Variants in CDH9 observed in about 807,000 individuals in gnomAD.
CDH9 encodes cadherin 9.
In CDH9, 28 loss-of-function variants were observed where a neutral mutation model predicts 70.9. That is an observed-to-expected ratio of 0.40 (90% CI 0.29 to 0.54). The LOEUF (loss-of-function observed/expected upper bound fraction) is 0.54. CDH9 is among the 20% of genes least tolerant of loss of function. CDH9 has a pLI of 0.59. For missense variants in CDH9, 874 were observed against 984.4 expected (o/e 0.89, Z 1.50); for synonymous variants, 409 against 343.1 (o/e 1.19, Z -2.12).
chr5:26,943,272 G>A (rs1335543166), intron 2 of CDH9, among the ~76,000 whole-genome samples: 1 of 152,134 alleles, frequency 6.6e-6, no homozygotes, highest in Non-Finnish European at 1.5e-5. Flanking sequence ...AGCACTTTGG[G>A]AGGCCGAGGC....
At chr5:26,896,660 G>C (rs1740757025) in intron 7 of CDH9, among the ~76,000 whole-genome samples, 1 of 151,820 alleles carries the variant, frequency 6.6e-6, no homozygotes. Context: ...CTGGGACACA[G>C]CTAAAGCAGT....
At position 26,906,830 on chromosome 5, in the gene CDH9, C is replaced by T. The variant is rs1740957552; in HGVS notation, c.532G>A (p.Val178Ile). The T allele has an allele frequency of 6.2e-7, 1 of 1,609,088 alleles. No homozygotes were observed. Among genetic ancestry groups the T allele is most frequent in the Non-Finnish European group, 8.5e-7 (1 of 1,176,944 alleles). Residue 178 changes from valine (V) to isoleucine (I), a missense_variant, in exon 4 of 12, where the codon GTT (valine) becomes ATT (isoleucine). Coordinates refer to ENST00000231021, the MANE Select transcript of CDH9 (RefSeq NM_016279.4). ...GCATCTGTTGCAGTTACTTGTATAA[C>T]AGATGTACCTACATGAAACCCCCAT... ...VPEMSGVGTS[V>I]IQVTATDADD...
At chr5:26,990,069 A>C (rs1163009534) in intron 1 of CDH9, among the ~76,000 whole-genome samples, 1 of 152,198 alleles carries the variant, frequency 6.6e-6, no homozygotes, top group Non-Finnish European at 1.5e-5. Context: ...ACCGTTTTTA[A>C]TATAAGACAA....
intron 1 of CDH9, among the ~76,000 whole-genome samples, chr5:27,002,280 G>C (rs977788839): frequency 4.6e-5 from 7 of 152,178 alleles, no homozygotes; most frequent in African/African-American, 1.7e-4. Context: ...ACAGGTGCTG[G>C]AGAGGATATG....
chr5:26,919,447 G>T (rs977400173), intron 2 of CDH9, among the ~76,000 whole-genome samples: 1 of 152,162 alleles, frequency 6.6e-6, no homozygotes, highest in Non-Finnish European at 1.5e-5. Context: ...GCTACCATGG[G>T]CTAAAGGGTT....
At chr5:26,988,457 T>G (rs1561030570) in intron 1 of CDH9, 75 bp from the exon 2 acceptor site, 1 of 1,255,204 alleles carries the variant, frequency 8.0e-7, no homozygotes, top group Non-Finnish European at 1.1e-6. Flanking sequence ...ACTGAAATAC[T>G]TATTCCAGAC....
intron 1 of CDH9, among the ~76,000 whole-genome samples, chr5:27,015,420 A>G (rs1304094351): frequency 6.6e-6 from 1 of 151,850 alleles, no homozygotes; most frequent in Non-Finnish European, 1.5e-5. Flanking sequence ...TTCTCTGAAG[A>G]AACCTCATTT....
intron 3 of CDH9, 25 bp from the exon 4 acceptor site, chr5:26,906,863 C>A: frequency 3.8e-6 from 6 of 1,579,334 alleles, no homozygotes; most frequent in Non-Finnish European, 5.2e-6. Flanking sequence ...CATCCCCAAA[C>A]AGAGACATTT....
intron 3 of CDH9, among the ~76,000 whole-genome samples, chr5:26,909,963 G>A (rs1397455086): frequency 6.6e-6 from 1 of 151,696 alleles, no homozygotes; most frequent in African/African-American, 2.4e-5. Context: ...ATAATTTAAA[G>A]ATAAGAAAAG....
chr5:26,886,247 T>C (rs2111968233), intron 9 of CDH9, among the ~76,000 whole-genome samples, 164 bp from the exon 10 acceptor site: 1 of 152,296 alleles, frequency 6.6e-6, no homozygotes, highest in South Asian at 2.1e-4. Flanking sequence ...GTCTTATTTT[T>C]TACAGTTTTG....
intron 1 of CDH9, among the ~76,000 whole-genome samples, chr5:27,023,153 A>G (rs1743167607): frequency 6.6e-6 from 1 of 152,022 alleles, no homozygotes; most frequent in African/African-American, 2.4e-5. Flanking sequence ...TTTGACTCCC[A>G]TCCATTGCTC....
At chr5:26,933,544 A>G (rs1349038882) in intron 2 of CDH9, among the ~76,000 whole-genome samples, 2 of 151,934 alleles carry the variant, frequency 1.3e-5, no homozygotes, top group African/African-American at 4.8e-5. Flanking sequence ...TGGGAGGCCG[A>G]GGCGGGTGGA....
rs1245333536 is a variant in CDH9, at chr5:27,038,490, C to CCCTACT, written c.-83_-78dup. 5.9e-5 allele frequency: 9 copies of CCCTACT among 151,978 alleles called. No homozygotes were observed. Among genetic ancestry groups the CCCTACT allele is most frequent in the Admixed American group, 5.9e-4 (9 of 15,234 alleles). 9.4% of individuals were successfully genotyped at this position (151,978 alleles called of 1,614,324 possible). A position where few individuals can be genotyped will look rare whatever the true frequency, so the allele number is the denominator to read the frequency against. On this transcript the variant is annotated 5_prime_UTR_variant, in exon 1 of 12. Coordinates refer to ENST00000231021, the MANE Select transcript of CDH9 (RefSeq NM_016279.4). ...TGCTTAACAATGGAACTGAGTTTAGCCCTACTCCGCACTGACAGTTCCGTT... is the reference window on the plus strand; with the variant it reads ...TGCTTAACAATGGAACTGAGTTTAGCCCTACTCCTACTCCGCACTGACAGTTCCGTT...
intron 2 of CDH9, among the ~76,000 whole-genome samples, chr5:26,960,296 A>C (rs918081020): frequency 3.3e-5 from 5 of 152,026 alleles, no homozygotes; most frequent in African/African-American, 2.4e-5. Flanking sequence ...CCATAATCTA[A>C]AAATTATGAA....
At chr5:26,944,492 C>T (rs1459910551) in intron 2 of CDH9, among the ~76,000 whole-genome samples, 1 of 151,894 alleles carries the variant, frequency 6.6e-6, no homozygotes, top group Non-Finnish European at 1.5e-5. Context: ...TCCCCCCAAA[C>T]TTTTAAAAAC....
At chr5:27,035,675 CGTGTGTGTGT>C (rs56317555) in intron 1 of CDH9, among the ~76,000 whole-genome samples, 6,516 of 142,698 alleles carry the variant, frequency 0.046, 205 homozygotes, top group Non-Finnish European at 0.067. Flanking sequence ...TTGCTATTGA[CGTGTGTGTGT>C]GTGTGTGTGT....
At chr5:27,011,526 C>A (rs987215928) in intron 1 of CDH9, among the ~76,000 whole-genome samples, 2 of 152,082 alleles carry the variant, frequency 1.3e-5, no homozygotes, top group African/African-American at 4.8e-5. Flanking sequence ...GCCCTATCAA[C>A]ACCTTGCTTT....
At chr5:26,959,881 A>G (rs1026611390) in intron 2 of CDH9, among the ~76,000 whole-genome samples, 3 of 143,158 alleles carry the variant, frequency 2.1e-5, no homozygotes, top group Non-Finnish European at 4.6e-5. Flanking sequence ...GTACTAGGGC[A>G]TGATTATTTA....
At chr5:26,962,805 C>T (rs1375015731) in intron 2 of CDH9, among the ~76,000 whole-genome samples, 1 of 152,036 alleles carries the variant, frequency 6.6e-6, no homozygotes, top group African/African-American at 2.4e-5. Flanking sequence ...TTCTGTTGTG[C>T]TGCCTTCCCG....
Sources: gnomAD v4.1 joint callset for allele counts (sites outside exome capture counted in the v4.1 genomes callset) on GRCh38, gnomAD v4.1.1 for gene constraint, MANE v1.5 for transcripts, NCBI Gene and HGNC (gene_info 2026-07-23, HGNC 2026-07-21) for gene names.